Variants in PRDX4 observed in about 807,000 individuals in gnomAD.
PRDX4 encodes the protein peroxiredoxin-4.
In PRDX4, 12 loss-of-function variants were observed where a neutral mutation model predicts 20.5. The observed-to-expected ratio is 0.58, with a 90% CI of 0.37 to 0.95. The LOEUF (loss-of-function observed/expected upper bound fraction) is 0.95. Among genes scored for constraint, PRDX4 ranks in the 40% least tolerant of loss-of-function variants. The pLI is 0.01. For missense variants in PRDX4, 180 were observed against 207.3 expected (o/e 0.87, Z 0.81); for synonymous variants, 99 against 87.5 (o/e 1.13, Z -0.73).
chrX:23,668,232 G>C (rs913396414), intron 1 of PRDX4, among the ~76,000 whole-genome samples: 6 of 112,546 alleles, frequency 5.3e-5, no homozygotes, highest in Non-Finnish European at 1.1e-4. Context: ...AAACAGAAAA[G>C]TTGCTAAACA....
At chrX:23,670,624 A>C (rs1037222197) in intron 1 of PRDX4, among the ~76,000 whole-genome samples, 1 of 112,338 alleles carries the variant, frequency 8.9e-6, no homozygotes, top group East Asian at 2.8e-4. Flanking sequence ...ATGTGTTAAC[A>C]GAGCATGAAG....
intron 1 of PRDX4, among the ~76,000 whole-genome samples, chrX:23,668,606 A>G (rs1927777698): frequency 8.9e-6 from 1 of 112,815 alleles, no homozygotes; most frequent in East Asian, 2.8e-4. Context: ...AAAATTAACC[A>G]AAAGTGAACA....
intron 4 of PRDX4, 127 bp from the exon 5 acceptor site, chrX:23,682,269 A>C: frequency 3.4e-6 from 1 of 298,464 alleles, no homozygotes; most frequent in Admixed American, 6.2e-5. Flanking sequence ...GTGTGTGTAT[A>C]CCATTGGAGT....
chrX:23,675,303 A>G (rs1034754243), intron 3 of PRDX4, 197 bp downstream of exon 3: 17 of 821,415 alleles, frequency 2.1e-5, no homozygotes, highest in African/African-American at 4.1e-5. Context: ...ATCAGCTGCT[A>G]TAATAAAAAT....
At chrX:23,675,750 G>C (rs1927933856) in intron 3 of PRDX4, among the ~76,000 whole-genome samples, 3 of 111,703 alleles carry the variant, frequency 2.7e-5, no homozygotes, top group African/African-American at 9.8e-5. Context: ...TGGGCAACAT[G>C]TCTCAAAATT....
intron 2 of PRDX4, among the ~76,000 whole-genome samples, chrX:23,672,601 A>G (rs968777363): frequency 5.3e-5 from 6 of 112,478 alleles, no homozygotes; most frequent in Non-Finnish European, 1.1e-4. Context: ...GAAAGTGAGA[A>G]GAGACCAAAA....
chrX:23,671,503 G>A (rs1310603726), intron 1 of PRDX4, 26 bp from the exon 2 acceptor site: 1 of 1,116,002 alleles, frequency 9.0e-7, no homozygotes, highest in East Asian at 3.0e-5. Context: ...CAGTGTTACA[G>A]AACATCATGT....
chrX:23,683,975 G>A (rs1236509630), intron 6 of PRDX4, among the ~76,000 whole-genome samples: 2 of 104,753 alleles, frequency 1.9e-5, no homozygotes, highest in African/African-American at 7.0e-5. Context: ...ATGAACCCGG[G>A]AGGTGGAGGT....
In PRDX4 at chrX:23,669,954, A is replaced by G. The variant is rs1485540170; in HGVS notation, c.242-1575A>G. On this transcript the variant is annotated intron_variant, in intron 1 of 6. Transcript: ENST00000379341. Reference sequence around the variant, plus strand: ...AAGTAAATAACTAAAATTAAAAAAAATAAGACTAGAAAGACAGACATCAGA... The same window carrying G: ...AAGTAAATAACTAAAATTAAAAAAAGTAAGACTAGAAAGACAGACATCAGA... 2.7e-5 allele frequency among the ~76,000 whole-genome samples: 3 copies of G among 111,078 alleles called. No homozygotes were observed. The East Asian group carries it at 8.3e-4, about 31-fold the overall frequency.
rs760429953 is a variant in PRDX4 at position 23,667,536 on chromosome X, C to T, written c.-35C>T. On this transcript the variant is annotated 5_prime_UTR_variant, in exon 1 of 7. Transcript: ENST00000379341. ...GCCCGGCGGCGGCAGAAGCGGCGCT[C>T]GCGCCAAGGGACGTGTTTCTGCGCT... is the stretch of plus-strand genomic sequence containing the variant. 3.5e-6 allele frequency: 4 copies of T among 1,143,385 alleles called. No homozygotes were observed. Among genetic ancestry groups the T allele is most frequent in the Admixed American group, 2.7e-5 (1 of 36,782 alleles). The allele number at this position is 1,143,385 out of a possible 1,213,427, so 94.2% of individuals were successfully genotyped here. A position where few individuals can be genotyped will look rare whatever the true frequency, so the allele number is the denominator to read the frequency against.
In PRDX4 at chrX:23,683,710, GTA is replaced by G. The variant is rs760603363; in HGVS notation, c.765+15_765+16del. The G allele has an allele frequency of 7.5e-6, 9 of 1,197,924 alleles. No homozygotes were observed. The East Asian group carries it at 2.4e-4, about 32-fold the overall frequency. ...TGGAAACCTGGTAGTGAAACAGTAA[GTA>G]TATATATATGTTTTTATGTTGAGTT... On this transcript the variant is annotated splice_donor_region_variant and intron_variant, in intron 6 of 6. Coordinates refer to ENST00000379341, the MANE Select transcript of PRDX4 (RefSeq NM_006406.2).
chrX:23,678,221 C>T (rs1297565913), intron 3 of PRDX4, among the ~76,000 whole-genome samples: 3 of 108,707 alleles, frequency 2.8e-5, no homozygotes, highest in East Asian at 2.9e-4. Context: ...AAGCCAAGAT[C>T]GTGCCATTGC....
At position 23,686,267 on chromosome X, in the gene PRDX4, T is replaced by G; in HGVS notation, c.766-18T>G. The G allele has an allele frequency of 8.6e-7, 1 of 1,160,828 alleles. No homozygotes were observed. Among genetic ancestry groups the G allele is most frequent in the Non-Finnish European group, 1.2e-6 (1 of 865,237 alleles). On this transcript the variant is annotated intron_variant, in intron 6 of 6. Coordinates refer to ENST00000379341, the MANE Select transcript of PRDX4 (RefSeq NM_006406.2). ...GCTTTAAAATGAATAATTTCCTTTC[T>G]TCGTTTTGTTTTAACAGATAATCCC...
intron 1 of PRDX4, among the ~76,000 whole-genome samples, chrX:23,669,430 TTC>T (rs1405641193): frequency 8.9e-6 from 1 of 112,150 alleles, no homozygotes; most frequent in Non-Finnish European, 1.9e-5. Context: ...TTTACTACAT[TTC>T]TCTGTCACAT....
chrX:23,671,671 G>T (rs766612865), intron 2 of PRDX4, 25 bp downstream of exon 2: 11 of 1,017,197 alleles, frequency 1.1e-5, no homozygotes, highest in Non-Finnish European at 1.5e-5. Flanking sequence ...TAAATAGCTA[G>T]TAAAATCTCA....
chrX:23,671,040 A>G (rs748868693), intron 1 of PRDX4, among the ~76,000 whole-genome samples: 7 of 112,283 alleles, frequency 6.2e-5, no homozygotes, highest in Non-Finnish European at 1.3e-4. Flanking sequence ...AGGGGAAAAA[A>G]GTATTTATTT....
chrX:23,670,525 G>A (rs1927823545), intron 1 of PRDX4, among the ~76,000 whole-genome samples: 1 of 111,915 alleles, frequency 8.9e-6, no homozygotes, highest in Non-Finnish European at 1.9e-5. Context: ...AGAAGTATAA[G>A]CCTTACTTTC....
intron 6 of PRDX4, among the ~76,000 whole-genome samples, chrX:23,685,821 GT>G (rs778108680): frequency 6.9e-4 from 65 of 94,382 alleles, no homozygotes; most frequent in Middle Eastern, 5.1e-3. Context: ...TTTTTTTTTT[GT>G]TTTTTTTTTT....
chrX:23,675,916 G>A (rs898928199), intron 3 of PRDX4, among the ~76,000 whole-genome samples: 4 of 110,688 alleles, frequency 3.6e-5, no homozygotes, highest in African/African-American at 1.3e-4. Flanking sequence ...ATCACCTGAG[G>A]TCGGGAGTTC....
Sources: gnomAD v4.1 joint callset for allele counts (sites outside exome capture counted in the v4.1 genomes callset) on GRCh38, gnomAD v4.1.1 for gene constraint, MANE v1.5 for transcripts, NCBI Gene and HGNC (gene_info 2026-07-23, HGNC 2026-07-21) for gene names.